Variants in VRK2 observed in about 807,000 individuals in gnomAD.
VRK2 encodes the protein VRK serine/threonine kinase 2, also known as serine/threonine-protein kinase VRK2.
Under a neutral mutation model 57.6 loss-of-function variants are expected in VRK2, and 60 were observed. The observed-to-expected ratio is 1.04, with a 90% confidence interval of 0.85 to 1.29. The LOEUF (loss-of-function observed/expected upper bound fraction) is 1.29. VRK2 is among the 50% of genes most tolerant of loss of function. The probability of loss-of-function intolerance (pLI) is 0.00; values close to 1 mark genes in which losing one functional copy is unlikely to be tolerated. For missense variants in VRK2, 705 were observed against 588.1 expected (o/e 1.20, Z -2.06); for synonymous variants, 231 against 199.2 (o/e 1.16, Z -1.35).
At chr2:58,053,963 T>C (rs892224301) in intron 2 of VRK2, among the ~76,000 whole-genome samples, 8 of 152,090 alleles carry the variant, frequency 5.3e-5, no homozygotes, top group African/African-American at 1.9e-4. Flanking sequence ...TAATATAAAC[T>C]CAAAACAGGG....
intron 1 of VRK2, among the ~76,000 whole-genome samples, chr2:57,923,790 G>T (rs1260417657): frequency 2.6e-5 from 4 of 151,780 alleles, no homozygotes; most frequent in African/African-American, 9.7e-5. Context: ...TATTACTCAA[G>T]AAATTTTTGC....
intron 1 of VRK2, among the ~76,000 whole-genome samples, chr2:57,940,503 T>C (rs552176741): frequency 3.5e-4 from 54 of 152,250 alleles, no homozygotes; most frequent in South Asian, 2.7e-3. Flanking sequence ...TAATATTTAA[T>C]CTGGGCACTG....
chr2:58,035,848 G>A (rs1674257739), intron 3 of VRK2, among the ~76,000 whole-genome samples: 1 of 151,990 alleles, frequency 6.6e-6, no homozygotes, highest in African/African-American at 2.4e-5. Flanking sequence ...ATAGGAAAAT[G>A]GGGATAATAT....
chr2:58,116,698 CAAG>C (rs964017432), intron 7 of VRK2, among the ~76,000 whole-genome samples: 1 of 151,974 alleles, frequency 6.6e-6, no homozygotes, highest in African/African-American at 2.4e-5. Flanking sequence ...GCCGCTAAGC[CAAG>C]AAGGAGTCAG....
chr2:57,950,478 G>A (rs1279510953), intron 1 of VRK2, among the ~76,000 whole-genome samples: 7 of 152,146 alleles, frequency 4.6e-5, no homozygotes, highest in Non-Finnish European at 8.8e-5. Flanking sequence ...ATGGTTCACT[G>A]AACATTTTAA....
intron 1 of VRK2, among the ~76,000 whole-genome samples, chr2:58,013,815 C>G (rs1043323344): frequency 1.3e-4 from 19 of 144,414 alleles, no homozygotes; most frequent in Admixed American, 1.3e-3. Context: ...GCGGAGATCG[C>G]GCCACAGCAC....
At chr2:58,135,537 T>C (rs953239157) in intron 10 of VRK2, among the ~76,000 whole-genome samples, 1 of 151,960 alleles carries the variant, frequency 6.6e-6, no homozygotes, top group African/African-American at 2.4e-5. Flanking sequence ...CTTCCTGGTT[T>C]TGTTCCTCTA....
rs564713680 is a variant in VRK2, at chr2:57,990,478, C to A, written c.-438-35187C>A. Among the ~76,000 whole-genome samples the A allele has an allele frequency of 4.7e-4, 71 of 152,270 alleles. 1 individual carries two copies. Among genetic ancestry groups the A allele is most frequent in the African/African-American group, 1.6e-3 (65 of 41,568 alleles). ...TATTGTCCAGATGATAGGACCAGAT[C>A]ACAGGCAGAAATACATTAACGTTTG... On this transcript the variant is annotated intron_variant, in intron 1 of 15. Coordinates refer to the VRK2 transcript ENST00000417641.
intron 1 of VRK2, among the ~76,000 whole-genome samples, chr2:57,931,305 AATTTTTTAT>A (rs752610286): frequency 7.9e-5 from 12 of 151,982 alleles, no homozygotes; most frequent in Non-Finnish European, 1.5e-4. Flanking sequence ...TTATCTTCTA[AATTTTTTAT>A]TACAACCATT....
At chr2:57,934,215 A>G (rs530531999) in intron 1 of VRK2, among the ~76,000 whole-genome samples, 1 of 152,210 alleles carries the variant, frequency 6.6e-6, no homozygotes, top group Non-Finnish European at 1.5e-5. Flanking sequence ...ACTGTATACT[A>G]ACCACTGTGA....
chr2:58,133,131 T>C (rs57112138), intron 9 of VRK2, among the ~76,000 whole-genome samples: 9,958 of 152,226 alleles, frequency 0.065, 1,091 homozygotes, highest in African/African-American at 0.23. Flanking sequence ...ATTTGTTTTT[T>C]GATAAGACTA....
chr2:58,056,246 A>G (rs1480729724), intron 2 of VRK2, among the ~76,000 whole-genome samples: 1 of 152,166 alleles, frequency 6.6e-6, no homozygotes, highest in Non-Finnish European at 1.5e-5. Flanking sequence ...TTCACTGTGT[A>G]AACTTTATCT....
chr2:58,044,599 T>C (rs1674600566), upstream of VRK2, among the ~76,000 whole-genome samples: 1 of 152,224 alleles, frequency 6.6e-6, no homozygotes, highest in Non-Finnish European at 1.5e-5. Context: ...GGAAAGAGGC[T>C]ACGAAATATT....
At chr2:58,117,734 T>C (rs188062647) in intron 7 of VRK2, among the ~76,000 whole-genome samples, 85 of 152,200 alleles carry the variant, frequency 5.6e-4, no homozygotes, top group African/African-American at 2.0e-3. Context: ...ACTGTCAAGT[T>C]TGTATTGGGG....
At chr2:57,930,590 A>T (rs537158340) in intron 1 of VRK2, among the ~76,000 whole-genome samples, 1 of 152,190 alleles carries the variant, frequency 6.6e-6, no homozygotes, top group Admixed American at 6.5e-5. Context: ...CGTTTGATTC[A>T]ATTTGGTGTC....
At chr2:58,115,521 G>T (rs1296048311) in intron 7 of VRK2, among the ~76,000 whole-genome samples, 1 of 149,914 alleles carries the variant, frequency 6.7e-6, no homozygotes, top group African/African-American at 2.4e-5. Flanking sequence ...CAGACATGAG[G>T]GCTAGGCTAA....
At chr2:58,147,264 C>T in intron 12 of VRK2, 1 of 490,124 alleles carries the variant, frequency 2.0e-6, no homozygotes, top group Admixed American at 2.1e-5. Context: ...ATGCATTCTT[C>T]AGCCAGCCAA....
intron 1 of VRK2, among the ~76,000 whole-genome samples, chr2:58,022,265 T>C (rs1053581085): frequency 2.6e-5 from 4 of 152,164 alleles, no homozygotes; most frequent in Non-Finnish European, 5.9e-5. Flanking sequence ...AGTCCCTTGA[T>C]ACTAAAGAAA....
intron 2 of VRK2, among the ~76,000 whole-genome samples, chr2:58,069,667 T>G (rs192053918): frequency 1.1e-3 from 161 of 152,292 alleles, no homozygotes; most frequent in African/African-American, 3.6e-3. Context: ...GTGTCCCTGC[T>G]GCTGCCGCCA....
Sources: gnomAD v4.1 joint callset for allele counts (sites outside exome capture counted in the v4.1 genomes callset) on GRCh38, gnomAD v4.1.1 for gene constraint, MANE v1.5 for transcripts, NCBI Gene and HGNC (gene_info 2026-07-23, HGNC 2026-07-21) for gene names.